Variants in ASCC3 observed in about 807,000 individuals in gnomAD.
ASCC3 encodes activating signal cointegrator 1 complex subunit 3, also known as ASC-1 complex subunit P200.
ASCC3 carries 158 observed loss-of-function variants against 256.3 expected under a neutral mutation model. The observed-to-expected ratio is 0.62, with a 90% CI of 0.54 to 0.70. The LOEUF is 0.70. Ranked by LOEUF, ASCC3 falls within the 30% of genes least tolerant of loss-of-function variation. The pLI is 0.00. For synonymous variants in ASCC3, 948 were observed against 883.4 expected (o/e 1.07, Z -1.30); for missense variants, 2,259 against 2,626.0 (o/e 0.86, Z 3.05).
chr6:100,660,421 T>C (rs922078861), intron 16 of ASCC3, among the ~76,000 whole-genome samples: 62 of 151,726 alleles, frequency 4.1e-4, no homozygotes, highest in Admixed American at 3.0e-3. Flanking sequence ...GTTCTGTACA[T>C]TAGACACTGT....
At chr6:100,880,817 G>A (rs1769264960) in intron 1 of ASCC3, among the ~76,000 whole-genome samples, 1 of 152,232 alleles carries the variant, frequency 6.6e-6, no homozygotes, top group African/African-American at 2.4e-5. Flanking sequence ...TGGACAATAT[G>A]TAGCTTAGGT....
chr6:100,520,195 A>G (rs1277746083), intron 37 of ASCC3, among the ~76,000 whole-genome samples: 2 of 152,116 alleles, frequency 1.3e-5, no homozygotes, highest in African/African-American at 4.8e-5. Context: ...GTGAATTGTA[A>G]GAAGGTAAAA....
At chr6:100,758,700 G>A (rs529516616) in intron 10 of ASCC3, among the ~76,000 whole-genome samples, 4 of 152,262 alleles carry the variant, frequency 2.6e-5, no homozygotes, top group South Asian at 2.1e-4. Context: ...ATAAAGATGC[G>A]TGTGTATGTG....
intron 24 of ASCC3, among the ~76,000 whole-genome samples, chr6:100,641,289 TATA>T (rs1775109384): frequency 1.3e-5 from 2 of 152,186 alleles, no homozygotes; most frequent in Non-Finnish European, 2.9e-5. Flanking sequence ...CGTACCCCTT[TATA>T]ATGTTAGGGC....
At chr6:100,673,839 C>G (rs911575324) in intron 14 of ASCC3, among the ~76,000 whole-genome samples, 3 of 152,192 alleles carry the variant, frequency 2.0e-5, no homozygotes, top group African/African-American at 7.2e-5. Context: ...TCTGACCATG[C>G]CTAGCCCTCC....
rs142935626 is a variant in ASCC3 at position 100,527,642 on chromosome 6, T to G, written c.5776-9500A>C. Among the ~76,000 whole-genome samples the G allele has an allele frequency of 2.6e-5, 4 of 152,300 alleles. No individual in the cohort carries two copies. The East Asian group carries it at 7.7e-4, about 29-fold the overall frequency. ...GGCATCATAAAATATTCCTATGCTT[T>G]TTAATCTACTACAAATGAGAATCAT... On this transcript the variant is annotated intron_variant, in intron 37 of 41. Coordinates refer to ENST00000369162, the MANE Select transcript of ASCC3 (RefSeq NM_006828.4).
At chr6:100,823,062 A>G (rs1771130646) in intron 4 of ASCC3, among the ~76,000 whole-genome samples, 1 of 152,212 alleles carries the variant, frequency 6.6e-6, no homozygotes, top group Non-Finnish European at 1.5e-5. Context: ...CAAAAGAGAT[A>G]AAAAGAGTGC....
At chr6:100,682,223 T>TATTCATTC (rs71276576) in intron 13 of ASCC3, among the ~76,000 whole-genome samples, 24 of 151,586 alleles carry the variant, frequency 1.6e-4, no homozygotes, top group South Asian at 4.2e-4. Context: ...GTAATTTATT[T>TATTCATTC]ATTCATTCAT....
At chr6:100,586,020 G>A (rs1328269052) in intron 36 of ASCC3, among the ~76,000 whole-genome samples, 12 of 152,186 alleles carry the variant, frequency 7.9e-5, no homozygotes, top group African/African-American at 1.7e-4. Flanking sequence ...TAGGCTGCTC[G>A]GGGGTCAGGG....
chr6:100,833,355 T>C (rs1469486405), intron 4 of ASCC3, among the ~76,000 whole-genome samples: 1 of 152,176 alleles, frequency 6.6e-6, no homozygotes, highest in Admixed American at 6.5e-5. Flanking sequence ...GTAAAACTAT[T>C]CTGTATAATA....
At chr6:100,851,878 G>A (rs1408944163) in intron 3 of ASCC3, among the ~76,000 whole-genome samples, 3 of 152,176 alleles carry the variant, frequency 2.0e-5, no homozygotes, top group Non-Finnish European at 4.4e-5. Flanking sequence ...TAAAACATCA[G>A]ATGGTAACTT....
At chr6:100,872,624 G>A (rs1773801352) in intron 1 of ASCC3, among the ~76,000 whole-genome samples, 1 of 152,116 alleles carries the variant, frequency 6.6e-6, no homozygotes, top group Admixed American at 6.5e-5. Context: ...TCTGAAGGAA[G>A]CAGATTGCTC....
chr6:100,608,118 C>CTATATATACATATATATGTATATATACG (rs1562161166), intron 30 of ASCC3, among the ~76,000 whole-genome samples: 1 of 23,350 alleles, frequency 4.3e-5, no homozygotes, highest in South Asian at 1.5e-3. Flanking sequence ...GTATATATAT[C>CTATATATACATATATATGTATATATACG]TATATATACA....
chr6:100,599,616 C>T (rs1347811861), intron 34 of ASCC3, among the ~76,000 whole-genome samples: 1 of 150,790 alleles, frequency 6.6e-6, no homozygotes, highest in Non-Finnish European at 1.5e-5. Flanking sequence ...GTATACAGTG[C>T]TGCTTTGTAC....
In ASCC3 at chr6:100,509,973, A is replaced by G; in HGVS notation, c.6420T>C (p.His2140=). The G allele has an allele frequency of 5.0e-6, 8 of 1,614,112 alleles. No individual in the cohort carries two copies. The highest frequency in any genetic ancestry group is 6.8e-6 in the Non-Finnish European group (8 of 1,179,968). ...GGGTATAAAAAGAAAGGGAAGCAAC[A>G]TGATGATTTCGAATATATCCTACTC... The part of the protein sequence containing the change: ...LKRVGYIRNH[H]VASLSFYTPE... The change falls in exon 41 of 42, where the codon CAT becomes CAC. Residue 2140 remains histidine, a synonymous_variant. Transcript: ENST00000369162.
chr6:100,547,354 A>G (rs961317949), intron 36 of ASCC3, among the ~76,000 whole-genome samples: 2 of 152,006 alleles, frequency 1.3e-5, no homozygotes, highest in Non-Finnish European at 2.9e-5. Flanking sequence ...TGACCCATAC[A>G]AGAAAAAAAA....
chr6:100,647,262 C>T lies in ASCC3; in HGVS notation c.3442G>A (p.Val1148Met). The T allele has an allele frequency of 1.2e-6, 2 of 1,613,820 alleles. No homozygotes were observed. Among genetic ancestry groups the T allele is most frequent in the Non-Finnish European group, 8.5e-7 (1 of 1,179,798 alleles). Residue 1148 changes from valine (V) to methionine (M), a missense_variant, in exon 21 of 42, where the codon GTG becomes ATG. Physicochemically the swap from Val to Met is conservative, Grantham distance 21 (BLOSUM62 1). Around this residue, in one of 2 missense-constraint regions of ASCC3, gnomAD observed 1,839 missense variants for 2,206.7 expected, o/e 0.83. Coordinates refer to ENST00000369162, the MANE Select transcript of ASCC3 (RefSeq NM_006828.4). ...LTRLEEKKLT[V>M]DKLKDMRKDE... is the part of the protein sequence containing the mutation. The stretch of plus-strand genomic sequence containing the variant: ...TTCCTCATGTCTTTCAGCTTATCCA[C>T]AGTAAGCTTTTTTTCTTCTAATCTT...
At chr6:100,655,638 C>A (rs533530928) in intron 17 of ASCC3, 61 bp downstream of exon 17, 439 of 1,554,356 alleles carry the variant, frequency 2.8e-4, no homozygotes, top group Non-Finnish European at 3.8e-4. Context: ...TATCTATCCT[C>A]ATATCATGAA....
intron 4 of ASCC3, among the ~76,000 whole-genome samples, chr6:100,821,148 A>C (rs846905): frequency 0.026 from 4,022 of 152,236 alleles, 186 homozygotes; most frequent in African/African-American, 0.092. Flanking sequence ...CCTCCCAAGT[A>C]GCTGGGACTA....
Sources: allele counts gnomAD v4.1 joint callset (sites outside exome capture counted in the v4.1 genomes callset), GRCh38; gene constraint gnomAD v4.1.1; regional missense constraint gnomAD v4.1.1; transcripts MANE v1.5; gene names NCBI Gene and HGNC (gene_info 2026-07-23, HGNC 2026-07-21).